ERCC6: variants seen among roughly 807,000 people sequenced by gnomAD.
ERCC6 encodes DNA excision repair protein ERCC-6.
A neutral mutation model predicts 158.7 loss-of-function variants in ERCC6; 116 were observed. The ratio of observed to expected loss-of-function variants is 0.73; its 90% CI spans 0.63 to 0.85. The LOEUF is 0.85. Ranked by LOEUF, ERCC6 falls within the 40% of genes least tolerant of loss-of-function variation. The probability of loss-of-function intolerance (pLI) is 0.00; values close to 1 mark genes in which losing one functional copy is unlikely to be tolerated. For missense variants in ERCC6, 1,698 were observed against 1,799.4 expected, an observed-to-expected ratio of 0.94 and a Z score of 1.02; for synonymous variants, 678 against 659.3, an observed-to-expected ratio of 1.03 and a Z score of -0.43.
chr10:49,516,536 G>A lies in ERCC6; in HGVS notation c.1397+7497C>T, dbSNP rs564372879. ...AAAACATACGCCTTCTAGGAACTGA[G>A]ACATAACCACTCAGAAAAATAATTC... is the stretch of plus-strand genomic sequence containing the variant. On this transcript the variant is annotated intron_variant, in intron 5 of 20. Transcript: ENST00000355832. 5.0e-6 allele frequency: 8 copies of A among 1,614,002 alleles called. No individual in the cohort carries two copies. In the African/African-American group the frequency reaches 1.1e-4, roughly 22 times the overall value.
At chr10:49,519,942 C>T (rs1837105864) in intron 5 of ERCC6, among the ~76,000 whole-genome samples, 1 of 152,178 alleles carries the variant, frequency 6.6e-6, no homozygotes, top group African/African-American at 2.4e-5. Context: ...CCCCTACCCT[C>T]TGAAGGTGTT....
At chr10:49,519,890 A>C (rs1837102508) in intron 5 of ERCC6, among the ~76,000 whole-genome samples, 1 of 151,796 alleles carries the variant, frequency 6.6e-6, no homozygotes, top group South Asian at 2.1e-4. Flanking sequence ...AGCTCCTCCC[A>C]CTCTGCACCT....
At position 49,461,387 on chromosome 10, in the gene ERCC6, G is replaced by A. The variant is rs1850579247; in HGVS notation, c.3948C>T (p.Gly1316=). The change falls in exon 19 of 21, where the codon GGC becomes GGT. Residue 1316 remains glycine, a synonymous_variant. Transcript: ENST00000355832. The part of the protein sequence containing the change: ...GAVSGVPTWT[G]HRGISGAPAG... ...CTGGTGCACCAGAAATCCCCCTGTG[G>A]CCAGTCCAGGTGGGAACACCAGACA... The A allele has an allele frequency of 6.2e-7, 1 of 1,613,650 alleles. No homozygotes were observed. The highest frequency in any genetic ancestry group is 1.3e-5 in the African/African-American group (1 of 74,882).
intron 3 of ERCC6, among the ~76,000 whole-genome samples, chr10:49,529,082 C>T (rs1297320258): frequency 6.6e-6 from 1 of 152,124 alleles, no homozygotes; most frequent in African/African-American, 2.4e-5. Context: ...CCACCCTGGC[C>T]ACGCCAGACT....
chr10:49,529,553 G>A (rs1320163668), intron 3 of ERCC6, among the ~76,000 whole-genome samples: 1 of 152,142 alleles, frequency 6.6e-6, no homozygotes, highest in Non-Finnish European at 1.5e-5. Flanking sequence ...ACCTGCCTTG[G>A]GCAACTGCTA....
chr10:49,449,267 T>C, downstream of ERCC6, among the ~76,000 whole-genome samples: 1 of 152,246 alleles, frequency 6.6e-6, no homozygotes, highest in East Asian at 1.9e-4. Flanking sequence ...TGGCCATTTT[T>C]ATATATTTGG....
chr10:49,478,488 A>T lies in ERCC6; in HGVS notation c.2170-18T>A, dbSNP rs931512229. 2.1e-6 allele frequency: 3 copies of T among 1,424,190 alleles called. No individual in the cohort carries two copies. Among genetic ancestry groups the T allele is most frequent in the Non-Finnish European group, 3.0e-6 (3 of 1,009,136 alleles). The allele number at this position is 1,424,190 out of a possible 1,614,324, so 88.2% of individuals were successfully genotyped here. ...GTTTTGACCTTTAATAAGAGCAGAG[A>T]AGGGAACATTACTATATATGTTTAA... On this transcript the variant is annotated intron_variant, in intron 10 of 20. Coordinates refer to ENST00000355832, the MANE Select transcript of ERCC6 (RefSeq NM_000124.4).
chr10:49,495,802 T>C (rs1851256940), intron 7 of ERCC6, among the ~76,000 whole-genome samples: 1 of 152,102 alleles, frequency 6.6e-6, no homozygotes, highest in Non-Finnish European at 1.5e-5. Flanking sequence ...TCGCCATGTC[T>C]CTCCGTCTAC....
At chr10:49,499,004 T>C (rs1357330381) in intron 7 of ERCC6, among the ~76,000 whole-genome samples, 1 of 152,128 alleles carries the variant, frequency 6.6e-6, no homozygotes, top group African/African-American at 2.4e-5. Flanking sequence ...AAGAGCTTAT[T>C]TGAAACAGAA....
At chr10:49,523,430 C>T (rs1837223770) in intron 5 of ERCC6, among the ~76,000 whole-genome samples, 1 of 152,228 alleles carries the variant, frequency 6.6e-6, no homozygotes, top group South Asian at 2.1e-4. Context: ...AAGCCAAAGT[C>T]AGTCTCTAAC....
chr10:49,473,592 T>A lies in ERCC6; in HGVS notation c.2599-5A>T. The A allele has an allele frequency of 6.5e-7, 1 of 1,548,904 alleles. No individual in the cohort carries two copies. Among genetic ancestry groups the A allele is most frequent in the Non-Finnish European group, 8.9e-7 (1 of 1,120,506 alleles). On this transcript the variant is annotated splice_polypyrimidine_tract_variant and splice_region_variant and intron_variant, in intron 13 of 20. Transcript: ENST00000355832. ...TACTTCAAGTATGTCCAGCATCTGT[T>A]TGGAGGTGGGGGATAGGAGTTTGCA...
At position 49,493,132 on chromosome 10, in the gene ERCC6, G is replaced by A. The variant is rs1851205258; in HGVS notation, c.1806C>T (p.Ser602=). 6.2e-7 allele frequency: 1 copy of A among 1,614,072 alleles called. No individual in the cohort carries two copies. The highest frequency in any genetic ancestry group is 8.5e-7 in the Non-Finnish European group (1 of 1,179,988). The change falls in exon 8 of 21, where the codon TCC becomes TCT. Residue 602 remains serine, a synonymous_variant. Coordinates refer to ENST00000355832, the MANE Select transcript of ERCC6 (RefSeq NM_000124.4). ...FRVAILHETG[S]YTHKKEKLIR... is the part of the protein sequence containing the mutation. ...ATTGTGTTACCTTTTTGTGGGTATA[G>A]GAACCGGTTTCATGTAGAATTGCCA...
At chr10:49,475,385 T>C (rs1850858859) in intron 12 of ERCC6, 1 of 445,384 alleles carries the variant, frequency 2.2e-6, no homozygotes, top group Admixed American at 2.4e-5. Context: ...CCAAGTGTAG[T>C]TTGCATTCCC....
rs200850660 is a variant in ERCC6, at chr10:49,516,951, C to T, written c.1397+7082G>A. The T allele has an allele frequency of 3.7e-6, 6 of 1,614,100 alleles. No homozygotes were observed. The East Asian group carries it at 6.7e-5, about 18-fold the overall frequency. On this transcript the variant is annotated intron_variant, in intron 5 of 20. Coordinates refer to ENST00000355832, the MANE Select transcript of ERCC6 (RefSeq NM_000124.4). ...ATACGCAGCTGTGTGCAACAAAGAACCTGGCAGATTATTTATTGTTCCACC... is the reference window on the plus strand; with the variant it reads ...ATACGCAGCTGTGTGCAACAAAGAATCTGGCAGATTATTTATTGTTCCACC...
At chr10:49,472,596 A>C in intron 15 of ERCC6, 126 bp from the exon 16 acceptor site, 1 of 937,954 alleles carries the variant, frequency 1.1e-6, no homozygotes, top group Non-Finnish European at 1.7e-6. Context: ...TCATGACGTC[A>C]AGTACACCTA....
At chr10:49,484,001 G>A (rs192282270) in intron 8 of ERCC6, among the ~76,000 whole-genome samples, 335 of 152,018 alleles carry the variant, frequency 2.2e-3, no homozygotes, top group Non-Finnish European at 3.6e-3. Context: ...AAAAAAAGCC[G>A]GGTACAGTGG....
rs752199198 is a variant in ERCC6, at chr10:49,500,523, C to T, written c.1685+15G>A. The T allele has an allele frequency of 3.1e-6, 5 of 1,611,892 alleles. No individual in the cohort carries two copies. The highest frequency in any genetic ancestry group is 4.2e-6 in the Non-Finnish European group (5 of 1,178,380). On this transcript the variant is annotated intron_variant, in intron 7 of 20. Coordinates refer to ENST00000355832, the MANE Select transcript of ERCC6 (RefSeq NM_000124.4). ...TTGAGCTCCACAGACTGACAGTCTG[C>T]AGAGGAGCACTTGCCTGTAATTTGA...
Position 49,488,049 on chromosome 10 carries a change from C to T in ERCC6, c.1822-4533G>A, listed in dbSNP as rs61851012. 3.3e-3 allele frequency: 516 copies of T among 155,806 alleles called. 3 individuals carry two copies. The highest frequency in any genetic ancestry group is 5.6e-3 in the Admixed American group (86 of 15,382). 9.7% of individuals were successfully genotyped at this position (155,806 alleles called of 1,614,324 possible). On this transcript the variant is annotated intron_variant, in intron 8 of 20. Transcript: ENST00000355832. ...AATATTATGGACGGCTCTATCCAAA[C>T]ACTTAAGACAAATCATCTCGGGCGG...
chr10:49,526,139 A>T (rs111488771), intron 4 of ERCC6, among the ~76,000 whole-genome samples: 476 of 22,070 alleles, frequency 0.022, 31 homozygotes, highest in African/African-American at 0.042. Context: ...ATATATATAT[A>T]TATATATATA....
Sources: allele counts gnomAD v4.1 joint callset (sites outside exome capture counted in the v4.1 genomes callset), GRCh38; gene constraint gnomAD v4.1.1; transcripts MANE v1.5; gene names NCBI Gene and HGNC (gene_info 2026-07-23, HGNC 2026-07-21).